ARRDC2: variants seen among roughly 807,000 people sequenced by gnomAD.
The protein encoded by ARRDC2 is arrestin domain containing 2, also known as arrestin domain-containing protein 2.
In ARRDC2, 39 loss-of-function variants were observed where a neutral mutation model predicts 38.9. That is an observed-to-expected ratio of 1.00 (90% CI 0.78 to 1.31). ARRDC2 has a LOEUF of 1.31. Ranked by LOEUF, ARRDC2 falls within the 50% of genes most tolerant of loss-of-function variation. ARRDC2 has a pLI of 0.00. For synonymous variants in ARRDC2, 300 were observed against 261.9 expected (o/e 1.15, Z -1.41); for missense variants, 553 against 588.4 (o/e 0.94, Z 0.62).
chr19:18,008,879 C>T (rs770323668), intron 2 of ARRDC2, 92 bp from the exon 3 acceptor site: 1 of 1,595,678 alleles, frequency 6.3e-7, no homozygotes, highest in Non-Finnish European at 8.6e-7. Context: ...CAAGACTCTC[C>T]CCCTGGGAGG....
chr19:18,006,000 C>T (rs1325492551), upstream of ARRDC2, among the ~76,000 whole-genome samples: 1 of 148,792 alleles, frequency 6.7e-6, no homozygotes, highest in East Asian at 2.0e-4. Flanking sequence ...GGCGGCGGGG[C>T]AGAGGCGCTC....
chr19:18,006,905 G>A (rs527529862), upstream of ARRDC2, among the ~76,000 whole-genome samples: 1 of 152,252 alleles, frequency 6.6e-6, no homozygotes, highest in South Asian at 2.1e-4. Flanking sequence ...CTGGCCTAAG[G>A]TCCCAGACCT....
At chr19:18,010,945 G>A (rs895083656) in intron 7 of ARRDC2, among the ~76,000 whole-genome samples, 4 of 151,978 alleles carry the variant, frequency 2.6e-5, no homozygotes, top group African/African-American at 9.7e-5. Flanking sequence ...CTCTTGAGTA[G>A]CTGGGACTAC....
In ARRDC2 at chr19:18,009,826, A is replaced by G. The variant is rs1291649247; in HGVS notation, c.636A>G (p.Thr212=). ...PVFAEIDNGS[T]RPVLPRAAVV... ...TTGCCGAGATCGACAACGGCTCCAC[A>G]CGTCCTGTGCTGCCTCGGGCAGCCG... The change falls in exon 5 of 8, where the codon ACA becomes ACG. Residue 212 remains threonine, a synonymous_variant. Transcript: ENST00000222250. The G allele has an allele frequency of 6.2e-7, 1 of 1,612,416 alleles. No individual in the cohort carries two copies. Among genetic ancestry groups the G allele is most frequent in the African/African-American group, 1.3e-5 (1 of 74,932 alleles).
rs767857478 is a variant in ARRDC2 at position 18,009,059 on chromosome 19, C to T, written c.430C>T (p.Arg144Trp). Residue 144 changes from arginine to tryptophan, a missense_variant, in exon 3 of 8, where the codon CGG becomes TGG. Arg to Trp is a moderately radical substitution (Grantham distance 101). Around this residue, in one of 3 missense-constraint regions of ARRDC2, gnomAD observed 447 missense variants for 456.6 expected, o/e 0.98. Transcript: ENST00000222250. The part of the protein sequence containing the change: ...TLHRPWVPAR[R>W]ARKVFTVIEP... ...GCACCGGCCCTGGGTCCCAGCACGCCGGGCAAGGAAGGTGTTCACTGTCAT... is the reference window on the plus strand; with the variant it reads ...GCACCGGCCCTGGGTCCCAGCACGCTGGGCAAGGAAGGTGTTCACTGTCAT... The T allele has an allele frequency of 2.9e-5, 46 of 1,613,422 alleles. No homozygotes were observed. The highest frequency in any genetic ancestry group is 1.6e-4 in the Middle Eastern group (1 of 6,084).
In ARRDC2 at chr19:18,013,367, C is replaced by T. The variant is rs184829268; in HGVS notation, c.*401C>T. On this transcript the variant is annotated 3_prime_UTR_variant, in exon 8 of 8. Coordinates refer to ENST00000222250, the MANE Select transcript of ARRDC2 (RefSeq NM_015683.2). ...GAGTCCAGACAGGAAGCAGAGAAGG[C>T]GTCCTTGCGGAAAGGGCATTTTAGC... 1.3e-4 allele frequency: 23 copies of T among 177,154 alleles called. 1 individual carries two copies. The highest frequency in any genetic ancestry group is 4.5e-4 in the African/African-American group (19 of 42,300). The allele number at this position is 177,154 out of a possible 1,614,324, so 11.0% of individuals were successfully genotyped here. A position where few individuals can be genotyped will look rare whatever the true frequency, so the allele number is the denominator to read the frequency against.
At chr19:18,005,192 C>G (rs2033247860), upstream of ARRDC2, among the ~76,000 whole-genome samples, 1 of 151,702 alleles carries the variant, frequency 6.6e-6, no homozygotes, top group African/African-American at 2.4e-5. Context: ...GGTGATGACT[C>G]TTAACGAGCA....
upstream of ARRDC2, among the ~76,000 whole-genome samples, chr19:18,004,066 C>G (rs985205306): frequency 4.6e-5 from 7 of 151,206 alleles, no homozygotes; most frequent in Non-Finnish European, 8.8e-5. Context: ...AGCCACCATG[C>G]CCGGCCCCCA....
chr19:18,008,130 C>CCCCCA, upstream of ARRDC2: 6 of 1,088,044 alleles, frequency 5.5e-6, no homozygotes, highest in Non-Finnish European at 7.2e-6. Flanking sequence ...CACCCCCCCC[C>CCCCCA]GCCCTGCCGT....
chr19:18,001,894 C>A (rs2033193561), intron 1 of ARRDC2, among the ~76,000 whole-genome samples: 1 of 152,142 alleles, frequency 6.6e-6, no homozygotes, highest in Non-Finnish European at 1.5e-5. Flanking sequence ...GCTGAGATCG[C>A]ACCACTGCAC....
Position 18,010,839 on chromosome 19 carries a change from G to T in ARRDC2, c.1170+110G>T, listed in dbSNP as rs553770538. 9.7e-6 allele frequency: 12 copies of T among 1,231,230 alleles called. No homozygotes were observed. The African/African-American group carries it at 1.8e-4, about 19-fold the overall frequency. 76.3% of individuals were successfully genotyped at this position (1,231,230 alleles called of 1,614,324 possible). A position where few individuals can be genotyped will look rare whatever the true frequency, so the allele number is the denominator to read the frequency against. Reference sequence around the variant, plus strand: ...TTTTGTTTTTTTGTTTTTTTAGACAGGGTCTTGCTCTGTCACCCAGGCTGG... The same window carrying T: ...TTTTGTTTTTTTGTTTTTTTAGACATGGTCTTGCTCTGTCACCCAGGCTGG... On this transcript the variant is annotated intron_variant, in intron 7 of 7. Transcript: ENST00000222250.
Position 18,009,032 on chromosome 19 carries a change from C to T in ARRDC2, c.403C>T (p.Leu135=), listed in dbSNP as rs12610718. Residue 135 remains leucine, a synonymous_variant, in exon 3 of 8, where the codon CTG becomes TTG. Transcript: ENST00000222250. ...TGTCCGCTACTGTATCAAGGCCACC[C>T]TGCACCGGCCCTGGGTCCCAGCACG... ...GSVRYCIKAT[L]HRPWVPARRA... 4 of 1,613,608 alleles carry T rather than the reference C, an allele frequency of 2.5e-6. No individual in the cohort carries two copies. The highest frequency in any genetic ancestry group is 2.7e-5 in the African/African-American group (2 of 74,910).
rs186019986 is a variant in ARRDC2, at chr19:18,011,288, C to T, written c.1170+559C>T. On this transcript the variant is annotated intron_variant, in intron 7 of 7. Coordinates refer to ENST00000222250, the MANE Select transcript of ARRDC2 (RefSeq NM_015683.2). ...CTGGGATTATATGCGTGAGCTACCACGCCCGGCCAATTTTTGTATTTTTTG... is the reference window on the plus strand; with the variant it reads ...CTGGGATTATATGCGTGAGCTACCATGCCCGGCCAATTTTTGTATTTTTTG... 1.2e-4 allele frequency among the ~76,000 whole-genome samples: 19 copies of T among 152,166 alleles called. No homozygotes were observed. The East Asian group carries it at 3.1e-3, about 25-fold the overall frequency.
At chr19:18,004,837 A>G (rs1014117063), upstream of ARRDC2, among the ~76,000 whole-genome samples, 1 of 151,626 alleles carries the variant, frequency 6.6e-6, no homozygotes, top group African/African-American at 2.4e-5. Context: ...CCATCTTTAC[A>G]AAAAATACAA....
chr19:18,009,600 A>G lies in ARRDC2; in HGVS notation c.498A>G (p.Gln166=), dbSNP rs1228916777. 6.2e-7 allele frequency: 1 copy of G among 1,602,446 alleles called. No individual in the cohort carries two copies. The change falls in exon 4 of 8, where the codon CAA becomes CAG. Residue 166 remains glutamine, a synonymous_variant. Coordinates refer to ENST00000222250, the MANE Select transcript of ARRDC2 (RefSeq NM_015683.2). ...TTCCTCTACACCGACAGGCACCTCA[A>G]GCGGGGGCTCGGGAAAAGGTTGCCC... ...DINTPALLAP[Q]AGAREKVARS...
upstream of ARRDC2, chr19:18,007,209 T>TG (rs2146000174): frequency 6.6e-6 from 1 of 152,384 alleles, no homozygotes; most frequent in South Asian, 2.1e-4. Flanking sequence ...AGAAACTCCA[T>TG]GCGACTTTTC....
chr19:18,003,453 T>G (rs942552771), upstream of ARRDC2, among the ~76,000 whole-genome samples: 4 of 148,182 alleles, frequency 2.7e-5, no homozygotes, highest in Admixed American at 6.8e-5. Flanking sequence ...TTGTTTTGTT[T>G]TGTTTTGTTT....
chr19:18,009,201 G>A, intron 3 of ARRDC2, 83 bp downstream of exon 3: 1 of 1,514,922 alleles, frequency 6.6e-7, no homozygotes, highest in Admixed American at 1.9e-5. Context: ...CAACCAATAA[G>A]ATGGAGGTCA....
chr19:18,010,414 T>C, intron 6 of ARRDC2, 56 bp downstream of exon 6: 1 of 1,578,806 alleles, frequency 6.3e-7, no homozygotes, highest in Non-Finnish European at 8.6e-7. Flanking sequence ...GAGAGGTGGA[T>C]GCCGGGTCAA....
Sources: gnomAD v4.1 joint callset for allele counts (sites outside exome capture counted in the v4.1 genomes callset) on GRCh38, gnomAD v4.1.1 for gene constraint, gnomAD v4.1.1 regional missense constraint, MANE v1.5 for transcripts, NCBI Gene and HGNC (gene_info 2026-07-23, HGNC 2026-07-21) for gene names.